The following AGTR1 variants were observed in gnomAD, a reference collection of about 807,000 sequenced individuals.
The protein encoded by AGTR1 is type-1 angiotensin II receptor.
In AGTR1, 16 loss-of-function variants were observed where a neutral mutation model predicts 19.4. The observed-to-expected ratio is 0.82, with a 90% confidence interval of 0.56 to 1.25. AGTR1 has a LOEUF of 1.25. Ranked by LOEUF, AGTR1 falls within the 50% of genes most tolerant of loss-of-function variation. The probability of loss-of-function intolerance (pLI) is 0.00; values close to 1 mark genes in which losing one functional copy is unlikely to be tolerated. For missense variants in AGTR1, 373 were observed against 431.9 expected, an observed-to-expected ratio of 0.86 and a Z score of 1.21; for synonymous variants, 153 against 154.9, an observed-to-expected ratio of 0.99 and a Z score of 0.09.
At chr3:148,698,374 C>T (rs769795945) in intron 1 of AGTR1, 2 of 152,186 alleles carry the variant, frequency 1.3e-5, no homozygotes, top group Non-Finnish European at 2.9e-5. Flanking sequence ...AATTCTCAAT[C>T]CATTTTAACC....
At chr3:148,700,209 T>TA (rs1401379875) in intron 1 of AGTR1, among the ~76,000 whole-genome samples, 2 of 152,180 alleles carry the variant, frequency 1.3e-5, no homozygotes, top group African/African-American at 4.8e-5. Flanking sequence ...TGCTGCTACT[T>TA]ACGACTGCTG....
chr3:148,719,746 A>C (rs1492098), intron 2 of AGTR1, among the ~76,000 whole-genome samples: 1 of 152,028 alleles, frequency 6.6e-6, no homozygotes, highest in Non-Finnish European at 1.5e-5. Context: ...TGCAGATTCT[A>C]TCTCGGTCTG....
intron 1 of AGTR1, among the ~76,000 whole-genome samples, chr3:148,705,606 A>C (rs1307096255): frequency 2.6e-5 from 4 of 152,120 alleles, no homozygotes; most frequent in African/African-American, 9.7e-5. Context: ...GAGTTACCAG[A>C]GTGGATTTTT....
intron 2 of AGTR1, among the ~76,000 whole-genome samples, chr3:148,723,257 A>G (rs1269121885): frequency 6.6e-6 from 1 of 152,246 alleles, no homozygotes; most frequent in African/African-American, 2.4e-5. Flanking sequence ...CTTAAAACAT[A>G]AATGTACAGA....
chr3:148,713,050 T>C (rs865993417), intron 2 of AGTR1, among the ~76,000 whole-genome samples: 13 of 151,864 alleles, frequency 8.6e-5, no homozygotes, highest in Admixed American at 1.3e-4. Context: ...AATACAATAT[T>C]CACCAATTAA....
intron 2 of AGTR1, among the ~76,000 whole-genome samples, chr3:148,738,698 C>T (rs1029547518): frequency 6.6e-6 from 1 of 152,178 alleles, no homozygotes; most frequent in African/African-American, 2.4e-5. Flanking sequence ...CCACAAGTTT[C>T]TAAAAGCACC....
intron 2 of AGTR1, among the ~76,000 whole-genome samples, chr3:148,720,160 C>CATAA (rs1713549559): frequency 1.3e-5 from 2 of 151,998 alleles, no homozygotes; most frequent in Admixed American, 6.6e-5. Flanking sequence ...TCTGATTAGC[C>CATAA]ATATTGGGAG....
chr3:148,699,812 T>G (rs1199890244), intron 1 of AGTR1, among the ~76,000 whole-genome samples: 1 of 152,136 alleles, frequency 6.6e-6, no homozygotes, highest in African/African-American at 2.4e-5. Context: ...CCGCCACCTT[T>G]TTTCCCCCTG....
intron 2 of AGTR1, among the ~76,000 whole-genome samples, chr3:148,710,645 G>A (rs1712927930): frequency 6.6e-6 from 1 of 152,094 alleles, no homozygotes; most frequent in African/African-American, 2.4e-5. Flanking sequence ...AACAAAATAA[G>A]GGGTAGAATA....
intron 2 of AGTR1, chr3:148,739,799 G>A (rs546716791): frequency 2.0e-5 from 25 of 1,231,640 alleles, no homozygotes; most frequent in Admixed American, 4.2e-5. Context: ...TTTTTCCCCA[G>A]GGCATGCCAT....
intron 2 of AGTR1, among the ~76,000 whole-genome samples, chr3:148,724,689 G>A (rs1475149382): frequency 6.6e-6 from 1 of 152,124 alleles, no homozygotes; most frequent in Non-Finnish European, 1.5e-5. Flanking sequence ...AAGTCCGTAA[G>A]TTGCAGAATG....
intron 2 of AGTR1, among the ~76,000 whole-genome samples, chr3:148,724,253 A>C (rs1442409594): frequency 1.3e-5 from 2 of 152,150 alleles, no homozygotes; most frequent in Non-Finnish European, 2.9e-5. Context: ...TGTCCACTTC[A>C]CCTATTTCTC....
At chr3:148,732,965 C>T (rs1414914592) in intron 2 of AGTR1, among the ~76,000 whole-genome samples, 2 of 151,748 alleles carry the variant, frequency 1.3e-5, no homozygotes, top group Non-Finnish European at 2.9e-5. Flanking sequence ...TGGTCTCGAT[C>T]TCCTGACCTC....
chr3:148,722,557 G>A (rs775509042), intron 2 of AGTR1, among the ~76,000 whole-genome samples: 14 of 152,092 alleles, frequency 9.2e-5, no homozygotes, highest in Non-Finnish European at 1.9e-4. Flanking sequence ...AGGCGGGAGG[G>A]TGCCACTCTG....
chr3:148,741,708 G>C lies in AGTR1; in HGVS notation c.673G>C (p.Ala225Pro). The change falls in exon 3 of 3, where the codon GCT becomes CCT. Residue 225 changes from alanine to proline, a missense_variant. Transcript: ENST00000349243. ...YTLIWKALKK[A>P]YEIQKNKPRN... ...TCTTATTTGGAAGGCCCTAAAGAAGGCTTATGAAATTCAGAAGAACAAACC... is the reference window on the plus strand; with the variant it reads ...TCTTATTTGGAAGGCCCTAAAGAAGCCTTATGAAATTCAGAAGAACAAACC... 3 of 1,613,892 alleles carry C rather than the reference G, an allele frequency of 1.9e-6. No individual in the cohort carries two copies. The highest frequency in any genetic ancestry group is 2.5e-6 in the Non-Finnish European group (3 of 1,179,914).
At chr3:148,710,569 G>A (rs2638360) in intron 2 of AGTR1, among the ~76,000 whole-genome samples, 132,009 of 152,182 alleles carry the variant, frequency 0.87, 57,692 homozygotes, top group African/African-American at 0.97. Context: ...TAGTTTTCCA[G>A]TAATGATAAA....
In AGTR1 at chr3:148,716,140, A is replaced by C. The variant is rs1300454809; in HGVS notation, c.-48+8113A>C. On this transcript the variant is annotated intron_variant, in intron 2 of 2. Transcript: ENST00000349243. This position sits in a 1 kb window ranked among gnomAD's most constrained non-coding sequence, Gnocchi z 4.7. ...TTAGGGAAGGGGTAAAGTAGTCCTC[A>C]GCAAGGCCCTTTTCAGAGCACTCCA... Among the ~76,000 whole-genome samples, 2 of 152,172 alleles carry C rather than the reference A, an allele frequency of 1.3e-5. No individual in the cohort carries two copies.
rs922009604 is a variant in AGTR1, at chr3:148,716,141, G to T, written c.-48+8114G>T. Among the ~76,000 whole-genome samples the T allele has an allele frequency of 1.3e-5, 2 of 152,156 alleles. No individual in the cohort carries two copies. The highest frequency in any genetic ancestry group is 2.9e-5 in the Non-Finnish European group (2 of 68,018). The stretch of plus-strand genomic sequence containing the variant: ...TAGGGAAGGGGTAAAGTAGTCCTCA[G>T]CAAGGCCCTTTTCAGAGCACTCCAC... On this transcript the variant is annotated intron_variant, in intron 2 of 2. Coordinates refer to ENST00000349243, the MANE Select transcript of AGTR1 (RefSeq NM_000685.5). This position sits in a 1 kb window ranked among gnomAD's most constrained non-coding sequence, Gnocchi z 4.7.
intron 1 of AGTR1, among the ~76,000 whole-genome samples, chr3:148,702,759 C>T (rs999224084): frequency 1.3e-5 from 2 of 152,190 alleles, no homozygotes; most frequent in African/African-American, 4.8e-5. Flanking sequence ...TTTTCTTTTA[C>T]TAAATGTTCC....
Sources: allele counts gnomAD v4.1 joint callset (sites outside exome capture counted in the v4.1 genomes callset), GRCh38; gene constraint gnomAD v4.1.1; non-coding constraint Gnocchi (gnomAD v3.1); transcripts MANE v1.5; gene names NCBI Gene and HGNC (gene_info 2026-07-23, HGNC 2026-07-21).